TMEM201: variants seen among roughly 807,000 people sequenced by gnomAD.
TMEM201 encodes RP13-15M17.2.
Under a neutral mutation model 63.4 loss-of-function variants are expected in TMEM201, and 26 were observed. That is an observed-to-expected ratio of 0.41 (90% CI 0.30 to 0.57). The LOEUF (loss-of-function observed/expected upper bound fraction) is 0.57, where lower values mean the gene tolerates loss of function less well. TMEM201 is among the 20% of genes least tolerant of loss of function. The probability of loss-of-function intolerance (pLI) is 0.29; values close to 1 mark genes in which losing one functional copy is unlikely to be tolerated. For synonymous variants in TMEM201, 417 were observed against 421.6 expected, an observed-to-expected ratio of 0.99 and a Z score of 0.14; for missense variants, 794 against 917.7, an observed-to-expected ratio of 0.87 and a Z score of 1.74.
chr1:9,611,259 G>A (rs1292531392), intron 9 of TMEM201, among the ~76,000 whole-genome samples: 2 of 149,598 alleles, frequency 1.3e-5, no homozygotes, highest in African/African-American at 5.0e-5. Context: ...GTGCAGTGGC[G>A]TGATCTTGGC....
rs115552042 is a variant in TMEM201 at position 9,592,809 on chromosome 1, G to T, written c.114-3081G>T. On this transcript the variant is annotated intron_variant, in intron 1 of 10. Coordinates refer to ENST00000340381, the MANE Select transcript of TMEM201 (RefSeq NM_001130924.3). ...CCGGGCTTCCTCAGGCTTCCCAGGGGCTCGGCATCGAGCTAGCAGGAGCCG... is the reference window on the plus strand; with the variant it reads ...CCGGGCTTCCTCAGGCTTCCCAGGGTCTCGGCATCGAGCTAGCAGGAGCCG... Among the ~76,000 whole-genome samples the T allele has an allele frequency of 8.2e-3, 1,256 of 152,292 alleles. 20 individuals are homozygous for T. Among genetic ancestry groups the T allele is most frequent in the African/African-American group, 0.029 (1,194 of 41,554 alleles).
intron 3 of TMEM201, 72 bp downstream of exon 3, chr1:9,597,125 C>T (rs1329691869): frequency 6.0e-6 from 9 of 1,503,390 alleles, no homozygotes; most frequent in African/African-American, 5.5e-5. Context: ...GGGACAGGCA[C>T]GTGCAGGGTG....
At position 9,608,931 on chromosome 1, in the gene TMEM201, A is replaced by G. The variant is rs149217946; in HGVS notation, c.1394-909A>G. ...GGTCGGGGGGAGGAGCCCGGTCTCC[A>G]TCGCCAGAGGGTGGGTCGGGGGCAG... On this transcript the variant is annotated intron_variant, in intron 7 of 10. Transcript: ENST00000340381. The surrounding 1 kb of genome is among the most constrained non-coding windows in gnomAD (Gnocchi z 4.3). Among the ~76,000 whole-genome samples the G allele has an allele frequency of 2.0e-5, 3 of 152,208 alleles. No homozygotes were observed. The highest frequency in any genetic ancestry group is 4.8e-5 in the African/African-American group (2 of 41,544).
chr1:9,595,767 C>CCCCAGAT (rs1214110565), intron 1 of TMEM201, 123 bp from the exon 2 acceptor site: 13 of 1,430,630 alleles, frequency 9.1e-6, no homozygotes, highest in African/African-American at 7.0e-5. Context: ...AGCTTTGCAT[C>CCCCAGAT]CCCAGATCCC....
At chr1:9,609,519 G>A (rs954180677) in intron 7 of TMEM201, among the ~76,000 whole-genome samples, 2 of 152,126 alleles carry the variant, frequency 1.3e-5, no homozygotes, top group Non-Finnish European at 2.9e-5. Flanking sequence ...GCCCAGTGCC[G>A]ACTCTTCTCA....
chr1:9,591,565 T>C (rs943196991), intron 1 of TMEM201, among the ~76,000 whole-genome samples: 1 of 152,240 alleles, frequency 6.6e-6, no homozygotes, highest in African/African-American at 2.4e-5. Context: ...CTCAGCCCTC[T>C]TCAAACGATG....
At position 9,607,894 on chromosome 1, in the gene TMEM201, C is replaced by G. The variant is rs565257383; in HGVS notation, c.1393+105C>G. 9.1e-7 allele frequency: 1 copy of G among 1,102,766 alleles called. No individual in the cohort carries two copies. Among genetic ancestry groups the G allele is most frequent in the South Asian group, 1.6e-5 (1 of 63,026 alleles). The allele number at this position is 1,102,766 out of a possible 1,614,324, so 68.3% of individuals were successfully genotyped here. On this transcript the variant is annotated intron_variant, in intron 7 of 10. Transcript: ENST00000340381. The surrounding 1 kb of genome is among the most constrained non-coding windows in gnomAD (Gnocchi z 5.4). ...GGAGGGCCGGGAGTGGTTAGTGTTC[C>G]TGCTGCAGAGACAGGCAGCACAGAG...
At chr1:9,597,347 G>A (rs1031171617) in intron 3 of TMEM201, among the ~76,000 whole-genome samples, 3 of 152,218 alleles carry the variant, frequency 2.0e-5, no homozygotes. Context: ...CCCAGCACCT[G>A]CCAGTCCAGA....
At chr1:9,599,444 A>G (rs2100481233) in intron 4 of TMEM201, among the ~76,000 whole-genome samples, 1 of 150,320 alleles carries the variant, frequency 6.7e-6, no homozygotes, top group Non-Finnish European at 1.5e-5. Flanking sequence ...ACGAGGTTTC[A>G]CCCTGTTGCT....
At chr1:9,602,546 C>A in intron 6 of TMEM201, 1 of 1,364,270 alleles carries the variant, frequency 7.3e-7, no homozygotes, top group South Asian at 1.6e-5. Context: ...GGCCCTTTCA[C>A]TGGCCTGGTG....
intron 6 of TMEM201, chr1:9,602,753 C>T (rs563209065): frequency 2.7e-5 from 27 of 1,007,034 alleles, no homozygotes; most frequent in African/African-American, 5.2e-5. Flanking sequence ...GTGCCCTGAC[C>T]GTGCAGCAGA....
chr1:9,602,879 G>C, intron 6 of TMEM201: 1 of 985,680 alleles, frequency 1.0e-6, no homozygotes. Context: ...AGCCGTGAAG[G>C]AGGCCGAGCT....
At chr1:9,601,034 A>G in intron 4 of TMEM201, 71 bp from the exon 5 acceptor site, 1 of 1,384,350 alleles carries the variant, frequency 7.2e-7, no homozygotes, top group South Asian at 1.3e-5. Context: ...CCCCGCACAG[A>G]CTGGCACCGG....
rs1276515771 is a variant in TMEM201, at chr1:9,607,916, A to G, written c.1393+127A>G. On this transcript the variant is annotated intron_variant, in intron 7 of 10. Transcript: ENST00000340381. The surrounding 1 kb of genome is among the most constrained non-coding windows in gnomAD (Gnocchi z 5.4). ...TTCCTGCTGCAGAGACAGGCAGCAC[A>G]GAGCTTTGAGCCTCAGTTCCCCCCA... is the stretch of plus-strand genomic sequence containing the variant. 3 of 911,388 alleles carry G rather than the reference A, an allele frequency of 3.3e-6. No homozygotes were observed. Among genetic ancestry groups the G allele is most frequent in the Non-Finnish European group, 3.2e-6 (2 of 616,154 alleles). 56.5% of individuals were successfully genotyped at this position (911,388 alleles called of 1,614,324 possible).
rs570381665 is a variant in TMEM201, at chr1:9,608,728, G to T, written c.1393+939G>T. Among the ~76,000 whole-genome samples, 5 of 152,348 alleles carry T rather than the reference G, an allele frequency of 3.3e-5. No homozygotes were observed. In the East Asian group the frequency reaches 9.6e-4, roughly 29 times the overall value. ...GGGGAGCGTGGCAATCCCAGGGCCA[G>T]TTCAGGCCTCCAAGGCAGGGGCTCC... On this transcript the variant is annotated intron_variant, in intron 7 of 10. Coordinates refer to ENST00000340381, the MANE Select transcript of TMEM201 (RefSeq NM_001130924.3). This position sits in a 1 kb window ranked among gnomAD's most constrained non-coding sequence, Gnocchi z 4.3.
rs146376987 is a variant in TMEM201 at position 9,601,354 on chromosome 1, C to G, written c.856C>G (p.Leu286Val). The G allele has an allele frequency of 3.7e-6, 6 of 1,607,542 alleles. No homozygotes were observed. The highest frequency in any genetic ancestry group is 1.1e-5 in the South Asian group (1 of 91,082). The change falls in exon 5 of 11, where the codon CTG (leucine) becomes GTG (valine). Residue 286 changes from leucine to valine, a missense_variant. Coordinates refer to ENST00000340381, the MANE Select transcript of TMEM201 (RefSeq NM_001130924.3). Reference sequence around the variant, plus strand: ...ACTCCCCGAGCACATGGCGGAGAAGCTGTGTGAGGCCTGGGCCTTTGGGCA... The same window carrying G: ...ACTCCCCGAGCACATGGCGGAGAAGGTGTGTGAGGCCTGGGCCTTTGGGCA... Reference protein sequence around the residue: ...GLLPEHMAEKLCEAWAFGQSH... With the variant: ...GLLPEHMAEKVCEAWAFGQSH...
chr1:9,611,048 A>C, intron 9 of TMEM201: 1 of 1,524,360 alleles, frequency 6.6e-7, no homozygotes, highest in South Asian at 1.2e-5. Context: ...CTTGGAACTG[A>C]TCGAAAACAC....
chr1:9,593,792 C>T (rs905510072), intron 1 of TMEM201, among the ~76,000 whole-genome samples: 19 of 152,200 alleles, frequency 1.2e-4, no homozygotes, highest in African/African-American at 4.3e-4. Flanking sequence ...AAGCCTGTCA[C>T]CCAAAGTCAG....
At position 9,604,980 on chromosome 1, in the gene TMEM201, CTTT is replaced by C. The variant is rs916588612; in HGVS notation, c.1161-2573_1161-2571del. On this transcript the variant is annotated intron_variant, in intron 6 of 10. Transcript: ENST00000340381. This position sits in a 1 kb window ranked among gnomAD's most constrained non-coding sequence, Gnocchi z 4.1. ...TGGCGTCAGGTGCCGCGTCTTTCTT[CTTT>C]TTTCTTTCTTTCAGAAGGGCTCTGT... The C allele has an allele frequency of 7.6e-5, 75 of 985,740 alleles. No homozygotes were observed. The highest frequency in any genetic ancestry group is 8.1e-5 in the Non-Finnish European group (67 of 829,976). 61.1% of individuals were successfully genotyped at this position (985,740 alleles called of 1,614,324 possible).
Sources: allele counts gnomAD v4.1 joint callset (sites outside exome capture counted in the v4.1 genomes callset), GRCh38; gene constraint gnomAD v4.1.1; non-coding constraint Gnocchi (gnomAD v3.1); transcripts MANE v1.5; gene names NCBI Gene and HGNC (gene_info 2026-07-23, HGNC 2026-07-21).